Variants in DMXL1 observed in about 807,000 individuals in gnomAD.
DMXL1 encodes dmX-like protein 1.
Under a neutral mutation model 319.2 loss-of-function variants are expected in DMXL1, and 99 were observed. The ratio of observed to expected loss-of-function variants is 0.31; its 90% confidence interval spans 0.26 to 0.37. The LOEUF (loss-of-function observed/expected upper bound fraction) is 0.37, where lower values mean the gene tolerates loss of function less well. DMXL1 is among the 10% of genes least tolerant of loss of function. DMXL1 has a pLI of 1.00. For missense variants in DMXL1, 3,745 were observed against 3,595.6 expected (o/e 1.04, Z -1.06); for synonymous variants, 1,385 against 1,235.2 (o/e 1.12, Z -2.54).
chr5:119,071,297 A>T lies in DMXL1; in HGVS notation c.-273A>T. On this transcript the variant is annotated 5_prime_UTR_variant, in exon 1 of 44. Coordinates refer to ENST00000539542, the MANE Select transcript of DMXL1 (RefSeq NM_001290321.3). ...GGTCGTGGCCGGTGAGGGGACCCTGAGCTTCACCTGGGCTAGCGCGGGGAG... is the reference window on the plus strand; with the variant it reads ...GGTCGTGGCCGGTGAGGGGACCCTGTGCTTCACCTGGGCTAGCGCGGGGAG... The T allele has an allele frequency of 2.2e-6, 1 of 459,748 alleles. No individual in the cohort carries two copies. The highest frequency in any genetic ancestry group is 3.9e-6 in the Non-Finnish European group (1 of 257,322). The allele number at this position is 459,748 out of a possible 1,614,324, so 28.5% of individuals were successfully genotyped here.
At chr5:119,236,794 G>A (rs570255674) in intron 39 of DMXL1, 20 of 151,970 alleles carry the variant, frequency 1.3e-4, no homozygotes, top group Admixed American at 1.2e-3. Flanking sequence ...CATCCTTCAA[G>A]ATCTGTATCA....
rs1252831180 is a variant in DMXL1 at position 119,133,937 on chromosome 5, A to C, written c.2013A>C (p.Gln671His). The change falls in exon 12 of 44, where the codon CAA (glutamine) becomes CAC (histidine). Residue 671 changes from glutamine to histidine, a missense_variant. Physicochemically the swap from Gln to His is conservative, Grantham distance 24. Coordinates refer to ENST00000539542, the MANE Select transcript of DMXL1 (RefSeq NM_001290321.3). ...CACCAGATGTTGATAACCCAGAGCA[A>C]CCTTTTGATGCTCTAAATATTGAAG... The part of the protein sequence containing the change: ...LRTPDVDNPE[Q>H]PFDALNIEEC... The C allele has an allele frequency of 6.2e-7, 1 of 1,614,036 alleles. No homozygotes were observed. The highest frequency in any genetic ancestry group is 1.3e-5 in the African/African-American group (1 of 74,928).
chr5:119,094,039 G>A (rs1171740914), intron 1 of DMXL1, among the ~76,000 whole-genome samples: 4 of 152,248 alleles, frequency 2.6e-5, no homozygotes, highest in African/African-American at 9.6e-5. Context: ...AAAGCAGCAA[G>A]CGCTGAGTGA....
intron 6 of DMXL1, among the ~76,000 whole-genome samples, chr5:119,115,169 G>A (rs182721293): frequency 6.6e-6 from 1 of 152,242 alleles, no homozygotes; most frequent in East Asian, 1.9e-4. Context: ...TACCTCATAG[G>A]TCATTAATCG....
At chr5:119,177,288 A>G (rs2150309785) in intron 26 of DMXL1, 69 bp from the exon 27 acceptor site, 2 of 1,127,772 alleles carry the variant, frequency 1.8e-6, no homozygotes, top group Non-Finnish European at 2.4e-6. Flanking sequence ...TACTCTTGAA[A>G]GTAGATCTGA....
chr5:119,148,687 A>G, intron 17 of DMXL1, 52 bp from the exon 18 acceptor site: 1 of 1,537,580 alleles, frequency 6.5e-7, no homozygotes, highest in Non-Finnish European at 8.8e-7. Flanking sequence ...ACATAAAAAC[A>G]GAAGTATTTA....
intron 38 of DMXL1, among the ~76,000 whole-genome samples, chr5:119,228,820 A>G (rs1786097884): frequency 6.6e-6 from 1 of 152,202 alleles, no homozygotes; most frequent in African/African-American, 2.4e-5. Context: ...AACCAGAGTG[A>G]TAATTAAAAG....
intron 1 of DMXL1, among the ~76,000 whole-genome samples, chr5:119,087,634 G>C (rs532381502): frequency 1.4e-4 from 21 of 152,018 alleles, no homozygotes; most frequent in Non-Finnish European, 2.5e-4. Flanking sequence ...TTCTGCAGCG[G>C]TTAGGTGGGT....
At chr5:119,177,570 A>G (rs80092039) in intron 27 of DMXL1, 86 bp downstream of exon 27, 38 of 1,167,412 alleles carry the variant, frequency 3.3e-5, no homozygotes, top group East Asian at 2.2e-4. Flanking sequence ...TTGCCACATG[A>G]TAATCATTGT....
At chr5:119,242,711 T>C (rs1170785849) in intron 42 of DMXL1, among the ~76,000 whole-genome samples, 1 of 152,204 alleles carries the variant, frequency 6.6e-6, no homozygotes, top group South Asian at 2.1e-4. Context: ...TCAACACTTA[T>C]AAGCTACAGT....
intron 34 of DMXL1, among the ~76,000 whole-genome samples, chr5:119,215,282 G>C (rs1783479886): frequency 1.3e-5 from 2 of 151,832 alleles, no homozygotes; most frequent in African/African-American, 4.8e-5. Context: ...CTTTCCAATT[G>C]AACAGTGATC....
chr5:119,123,621 T>G (rs1428424438), intron 9 of DMXL1, among the ~76,000 whole-genome samples: 1 of 152,068 alleles, frequency 6.6e-6, no homozygotes, highest in Non-Finnish European at 1.5e-5. Flanking sequence ...GAACTGTTAC[T>G]TAATAAAGGT....
rs1581258138 is a variant in DMXL1, at chr5:119,196,383, G to A, written c.7470G>A (p.Met2490Ile). The part of the protein sequence containing the change: ...SNSNSYSWSL[M>I]RLAMVQLVLN... ...GCTTTATTTTTAGTTGGTCCTTGAT[G>A]CGGTTGGCGATGGTGCAATTGGTGC... Residue 2490 changes from methionine to isoleucine, a missense_variant, in exon 31 of 44, where the codon ATG becomes ATA. Physicochemically the swap from Met to Ile is conservative, Grantham distance 10. Around this residue, in one of 4 missense-constraint regions of DMXL1, gnomAD observed 1,382 missense variants for 1,269.5 expected, o/e 1.09. Coordinates refer to ENST00000539542, the MANE Select transcript of DMXL1 (RefSeq NM_001290321.3). 6.2e-7 allele frequency: 1 copy of A among 1,613,790 alleles called. No homozygotes were observed. Among genetic ancestry groups the A allele is most frequent in the Non-Finnish European group, 8.5e-7 (1 of 1,179,732 alleles).
chr5:119,196,513 TTG>T, intron 31 of DMXL1, 57 bp downstream of exon 31: 95 of 1,124,482 alleles, frequency 8.4e-5, no homozygotes, highest in Admixed American at 1.6e-4. Context: ...TACTACTCTG[TTG>T]TTTTTTTTTT....
chr5:119,085,569 G>A (rs898833466), intron 1 of DMXL1, among the ~76,000 whole-genome samples: 53 of 152,142 alleles, frequency 3.5e-4, no homozygotes, highest in African/African-American at 1.2e-3. Context: ...TTGTTCATCC[G>A]TTCTAACAGG....
chr5:119,205,296 A>G (rs1288061191), intron 33 of DMXL1, among the ~76,000 whole-genome samples: 1 of 152,174 alleles, frequency 6.6e-6, no homozygotes, highest in Non-Finnish European at 1.5e-5. Context: ...TAGTTGATTC[A>G]GGAATAGACT....
Position 119,171,030 on chromosome 5 carries a change from C to G in DMXL1, c.6239C>G (p.Ala2080Gly). The change falls in exon 24 of 44, where the codon GCT (alanine) becomes GGT (glycine). Residue 2080 changes from alanine (A) to glycine (G), a missense_variant. Around this residue, in one of 4 missense-constraint regions of DMXL1, gnomAD observed 1,382 missense variants for 1,269.5 expected, o/e 1.09. Transcript: ENST00000539542. ...LQRTCDFCSD[A>G]EELQSAFGRN... is the part of the protein sequence containing the mutation. ...AGGACTTGTGACTTTTGCTCAGATG[C>G]TGAAGAACTACAGTCTGCATTTGGC... is the stretch of plus-strand genomic sequence containing the variant. The G allele has an allele frequency of 6.2e-7, 1 of 1,613,742 alleles. No individual in the cohort carries two copies. The highest frequency in any genetic ancestry group is 8.5e-7 in the Non-Finnish European group (1 of 1,179,868).
rs373140007 is a variant in DMXL1, at chr5:119,149,077, G to A, written c.3250G>A (p.Glu1084Lys). ...FVMHVSIFEC[E>K]STGGSCWVLE... ...GATGCATGTAAGTATTTTTGAATGT[G>A]AGTCAACAGGAGGTTCATGTTGGGT... Residue 1084 changes from glutamate (E) to lysine (K), a missense_variant, in exon 18 of 44, where the codon GAG becomes AAG. Physicochemically the swap from Glu to Lys is moderately conservative, Grantham distance 56. This residue lies in a region of DMXL1 where 2,096 missense variants were observed against 1,985.4 expected (regional missense o/e 1.06). Coordinates refer to ENST00000539542, the MANE Select transcript of DMXL1 (RefSeq NM_001290321.3). 2.5e-6 allele frequency: 4 copies of A among 1,613,896 alleles called. No homozygotes were observed. Among genetic ancestry groups the A allele is most frequent in the Non-Finnish European group, 2.5e-6 (3 of 1,179,862 alleles).
At chr5:119,148,715 G>T in intron 17 of DMXL1, 24 bp from the exon 18 acceptor site, 1 of 1,583,174 alleles carries the variant, frequency 6.3e-7, no homozygotes, top group Non-Finnish European at 8.6e-7. Flanking sequence ...TTGACATTTT[G>T]TTAACGGATT....
Sources: gnomAD v4.1 joint callset for allele counts (sites outside exome capture counted in the v4.1 genomes callset) on GRCh38, gnomAD v4.1.1 for gene constraint, gnomAD v4.1.1 regional missense constraint, MANE v1.5 for transcripts, NCBI Gene and HGNC (gene_info 2026-07-23, HGNC 2026-07-21) for gene names.